The following TLE1 variants were observed in gnomAD, a reference collection of about 807,000 sequenced individuals.
The protein encoded by TLE1 is TLE family member 1, transcriptional corepressor, also known as transducin-like enhancer protein 1.
A neutral mutation model predicts 89.8 loss-of-function variants in TLE1; 21 were observed. That is an observed-to-expected ratio of 0.23 (90% CI 0.17 to 0.34). The LOEUF (loss-of-function observed/expected upper bound fraction) is 0.34. Among genes scored for constraint, TLE1 ranks in the 10% least tolerant of loss-of-function variants. The pLI is 1.00. For synonymous variants in TLE1, 447 were observed against 407.6 expected (o/e 1.10, Z -1.16); for missense variants, 795 against 1,031.2 (o/e 0.77, Z 3.14).
chr9:81,591,542 A>G (rs905772853), intron 15 of TLE1, among the ~76,000 whole-genome samples: 12 of 152,172 alleles, frequency 7.9e-5, no homozygotes, highest in South Asian at 2.1e-4. Flanking sequence ...AAGCCCCTCA[A>G]TGCAAAGGCC....
At chr9:81,674,134 C>T (rs1363896258) in intron 4 of TLE1, among the ~76,000 whole-genome samples, 2 of 152,202 alleles carry the variant, frequency 1.3e-5, no homozygotes, top group Middle Eastern at 3.2e-3. Flanking sequence ...AGAGAAAGAA[C>T]AGCCCTTCCC....
At chr9:81,608,498 A>G (rs1823265936) in intron 14 of TLE1, among the ~76,000 whole-genome samples, 1 of 152,192 alleles carries the variant, frequency 6.6e-6, no homozygotes, top group African/African-American at 2.4e-5. Flanking sequence ...TGGGCAACAG[A>G]GCAAGACCCT....
intron 6 of TLE1, among the ~76,000 whole-genome samples, chr9:81,634,594 C>A (rs1313550587): frequency 6.6e-6 from 1 of 152,198 alleles, no homozygotes; most frequent in Admixed American, 6.5e-5. Flanking sequence ...GTATCACTCA[C>A]TCCGAGAGGG....
chr9:81,681,526 G>A (rs1833627467), intron 4 of TLE1, among the ~76,000 whole-genome samples: 1 of 151,322 alleles, frequency 6.6e-6, no homozygotes, highest in Non-Finnish European at 1.5e-5. Context: ...CTCCAGCCTG[G>A]GTGACGGAAC....
chr9:81,687,201 A>G, intron 2 of TLE1, 133 bp downstream of exon 2: 1 of 650,172 alleles, frequency 1.5e-6, no homozygotes, highest in South Asian at 2.1e-5. Flanking sequence ...AACTTGAATG[A>G]CAGGTCTTAA....
In TLE1 at chr9:81,611,792, C is replaced by A. The variant is rs769773950; in HGVS notation, c.1231G>T (p.Val411Leu). The A allele has an allele frequency of 6.5e-7, 1 of 1,547,742 alleles. No individual in the cohort carries two copies. Among genetic ancestry groups the A allele is most frequent in the South Asian group, 1.2e-5 (1 of 82,280 alleles). Residue 411 changes from valine to leucine, a missense_variant, in exon 13 of 20, where the codon GTG becomes TTG. Around this residue, in one of 4 missense-constraint regions of TLE1, gnomAD observed 468 missense variants for 509.1 expected, o/e 0.92. Transcript: ENST00000376499. ...MSAAAAAAAV[V>L]AYGRSPMVGF... is the part of the protein sequence containing the mutation. ...ACCATGGGGGAGCGCCCGTAGGCCA[C>A]CACGGCGGCCGCGGCGGCTGCGGCG...
At chr9:81,613,035 G>A (rs547821694) in intron 12 of TLE1, among the ~76,000 whole-genome samples, 76 of 152,280 alleles carry the variant, frequency 5.0e-4, no homozygotes, top group African/African-American at 1.8e-3. Context: ...TCCAGCCTGG[G>A]GGGGACAAGA....
At chr9:81,657,102 C>T (rs1318376428) in intron 4 of TLE1, among the ~76,000 whole-genome samples, 1 of 152,168 alleles carries the variant, frequency 6.6e-6, no homozygotes, top group Non-Finnish European at 1.5e-5. Context: ...TCTAGTTAAA[C>T]ATCTTTTCAT....
Position 81,600,099 on chromosome 9 carries a change from G to T in TLE1, c.1332-6825C>A, listed in dbSNP as rs950539852. On this transcript the variant is annotated intron_variant, in intron 14 of 19. Transcript: ENST00000376499. ...ACGTTTCCAAACTTCTCAATGTGCT[G>T]GGGCAGGAACAAGGCTCCTAAACAG... is the stretch of plus-strand genomic sequence containing the variant. The T allele has an allele frequency of 5.4e-6, 4 of 745,436 alleles. No individual in the cohort carries two copies. In the Admixed American group the frequency reaches 7.4e-5, roughly 14 times the overall value. The allele number at this position is 745,436 out of a possible 1,614,324, so 46.2% of individuals were successfully genotyped here. A position where few individuals can be genotyped will look rare whatever the true frequency, so the allele number is the denominator to read the frequency against.
At chr9:81,655,834 C>CA (rs1449650329) in intron 4 of TLE1, among the ~76,000 whole-genome samples, 1 of 136,248 alleles carries the variant, frequency 7.3e-6, no homozygotes, top group Non-Finnish European at 1.5e-5. Context: ...GCCAAGGCGA[C>CA]AGAGCAAGAC....
At chr9:81,652,182 A>G (rs551353097) in intron 6 of TLE1, 32 bp downstream of exon 6, 31 of 1,608,490 alleles carry the variant, frequency 1.9e-5, no homozygotes, top group Non-Finnish European at 2.6e-5. Flanking sequence ...GGTTATACAC[A>G]CTGTAGGAGG....
At position 81,633,297 on chromosome 9, in the gene TLE1, GTGTGTGTGTGT is replaced by G. The variant is rs759316337; in HGVS notation, c.594+40_594+50del. Reference sequence around the variant, plus strand: ...GTTGTCAGAAGGGGACCGTGTGTGTGTGTGTGTGTGTGTGTGTGTGTGTGTGTGCAGCAGGC... The same window carrying G: ...GTTGTCAGAAGGGGACCGTGTGTGTGGTGTGTGTGTGTGTGTGCAGCAGGC... On this transcript the variant is annotated intron_variant, in intron 8 of 19. Transcript: ENST00000376499. The G allele has an allele frequency of 1.3e-4, 38 of 292,248 alleles. No individual in the cohort carries two copies. In the African/African-American group the frequency reaches 7.5e-3, roughly 57 times the overall value. The allele number at this position is 292,248 out of a possible 1,614,324, so 18.1% of individuals were successfully genotyped here.
intron 1 of TLE1, among the ~76,000 whole-genome samples, 178 bp from the exon 2 acceptor site, chr9:81,687,612 G>A (rs1014700017): frequency 6.6e-6 from 1 of 152,118 alleles, no homozygotes; most frequent in African/African-American, 2.4e-5. Context: ...GACCCTCCCC[G>A]GGCCCCGGCT....
intron 4 of TLE1, among the ~76,000 whole-genome samples, chr9:81,657,155 A>G (rs1830239069): frequency 1.3e-5 from 2 of 152,140 alleles, no homozygotes; most frequent in South Asian, 4.2e-4. Flanking sequence ...CCATTCTTCC[A>G]TTGTTGCTTA....
intron 15 of TLE1, 79 bp downstream of exon 15, chr9:81,592,946 A>C: frequency 6.5e-7 from 1 of 1,531,338 alleles, no homozygotes; most frequent in South Asian, 1.3e-5. Flanking sequence ...ATGGGAATAA[A>C]ACCCAGGCCC....
chr9:81,637,122 C>T (rs1235064620), intron 6 of TLE1, among the ~76,000 whole-genome samples: 1 of 152,126 alleles, frequency 6.6e-6, no homozygotes, highest in African/African-American at 2.4e-5. Flanking sequence ...CTTTGGGAGG[C>T]TGAGGCGGGT....
chr9:81,613,101 G>T (rs1049059415), intron 12 of TLE1, among the ~76,000 whole-genome samples: 3 of 152,172 alleles, frequency 2.0e-5, no homozygotes, highest in African/African-American at 7.2e-5. Flanking sequence ...CTGAGATCAC[G>T]CCATTGCATT....
intron 8 of TLE1, among the ~76,000 whole-genome samples, chr9:81,629,745 T>C (rs1401050350): frequency 6.6e-6 from 1 of 152,204 alleles, no homozygotes; most frequent in East Asian, 1.9e-4. Flanking sequence ...TACAGGCAGC[T>C]ACAACACAAT....
intron 6 of TLE1, among the ~76,000 whole-genome samples, chr9:81,642,693 C>CA: frequency 1.0e-5 from 1 of 95,508 alleles, no homozygotes; most frequent in South Asian, 3.8e-4. Context: ...GACTCCGTCT[C>CA]AAAAAATGAA....
Sources: gnomAD v4.1 joint callset for allele counts (sites outside exome capture counted in the v4.1 genomes callset) on GRCh38, gnomAD v4.1.1 for gene constraint, gnomAD v4.1.1 regional missense constraint, MANE v1.5 for transcripts, NCBI Gene and HGNC (gene_info 2026-07-23, HGNC 2026-07-21) for gene names.